Variants in ZNF385D observed in about 807,000 individuals in gnomAD.
ZNF385D encodes the protein zinc finger protein 659.
ZNF385D carries 15 observed loss-of-function variants against 35.8 expected under a neutral mutation model. The observed-to-expected ratio is 0.42, with a 90% CI of 0.28 to 0.64. ZNF385D has a LOEUF of 0.64. Among genes scored for constraint, ZNF385D ranks in the 30% least tolerant of loss-of-function variants. The pLI is 0.23. For synonymous variants in ZNF385D, 212 were observed against 186.8 expected (o/e 1.13, Z -1.10); for missense variants, 474 against 494.6 (o/e 0.96, Z 0.39).
At chr3:22,078,341 T>C (rs570135859) in intron 3 of ZNF385D, among the ~76,000 whole-genome samples, 6 of 152,158 alleles carry the variant, frequency 3.9e-5, no homozygotes, top group South Asian at 2.1e-4. Flanking sequence ...AGTATGCTCA[T>C]CATTTGGTGA....
Position 22,283,748 on chromosome 3 carries a change from T to A in ZNF385D, c.106+88702A>T, listed in dbSNP as rs181341251. The stretch of plus-strand genomic sequence containing the variant: ...TGTGTGATGTGCTCAGTCTGTTCCC[T>A]AGCACAGTGATCACCCAATACATTT... On this transcript the variant is annotated intron_variant, in intron 2 of 5. Coordinates refer to the ZNF385D transcript ENST00000494108. Among the ~76,000 whole-genome samples the A allele has an allele frequency of 2.0e-5, 3 of 152,294 alleles. No individual in the cohort carries two copies. The East Asian group carries it at 5.8e-4, about 29-fold the overall frequency.
chr3:22,135,311 CACAT>C (rs944759688), intron 3 of ZNF385D, among the ~76,000 whole-genome samples: 1 of 136,828 alleles, frequency 7.3e-6, no homozygotes, highest in Non-Finnish European at 1.5e-5. Flanking sequence ...CACACACACA[CACAT>C]ACCCCAACAT....
chr3:22,275,806 G>A (rs914200986), intron 2 of ZNF385D, among the ~76,000 whole-genome samples: 2 of 152,052 alleles, frequency 1.3e-5, no homozygotes, highest in South Asian at 4.1e-4. Context: ...GAGAACTGGT[G>A]GAGCACAGTG....
chr3:22,035,815 A>G (rs535413366), intron 3 of ZNF385D, among the ~76,000 whole-genome samples: 1 of 152,320 alleles, frequency 6.6e-6, no homozygotes, highest in African/African-American at 2.4e-5. Flanking sequence ...AAAAATGAAG[A>G]GGATTCTAGG....
chr3:22,024,545 T>C (rs1697422420), intron 3 of ZNF385D, among the ~76,000 whole-genome samples: 1 of 152,082 alleles, frequency 6.6e-6, no homozygotes, highest in Non-Finnish European at 1.5e-5. Context: ...AGTTATAATA[T>C]TAATAGTATG....
At chr3:21,466,391 T>G (rs1161250607) in intron 4 of ZNF385D, among the ~76,000 whole-genome samples, 2 of 152,218 alleles carry the variant, frequency 1.3e-5, no homozygotes, top group Non-Finnish European at 2.9e-5. Flanking sequence ...TTATGTTACT[T>G]TGCCTTTAGC....
At chr3:22,122,678 G>GTA (rs958647750) in intron 3 of ZNF385D, among the ~76,000 whole-genome samples, 5 of 152,136 alleles carry the variant, frequency 3.3e-5, no homozygotes, top group African/African-American at 1.2e-4. Context: ...AGAACAGAGA[G>GTA]TATATATATG....
chr3:21,549,675 C>A (rs558181092), intron 3 of ZNF385D, among the ~76,000 whole-genome samples: 4 of 152,288 alleles, frequency 2.6e-5, no homozygotes, highest in African/African-American at 7.2e-5. Context: ...TTCTTTCACA[C>A]AAGCCGAATG....
chr3:21,973,615 G>C (rs9849616), intron 3 of ZNF385D, among the ~76,000 whole-genome samples: 4,774 of 151,930 alleles, frequency 0.031, 253 homozygotes, highest in African/African-American at 0.11. Context: ...AATTGGAAAG[G>C]AAAAGGAAAG....
intron 2 of ZNF385D, among the ~76,000 whole-genome samples, chr3:22,183,542 G>C (rs1695425530): frequency 6.6e-6 from 1 of 152,058 alleles, no homozygotes; most frequent in Non-Finnish European, 1.5e-5. Flanking sequence ...ATTTTTAGTA[G>C]AGACGGTGTT....
At chr3:22,132,767 T>A (rs888935246) in intron 3 of ZNF385D, among the ~76,000 whole-genome samples, 1 of 152,130 alleles carries the variant, frequency 6.6e-6, no homozygotes, top group Admixed American at 6.6e-5. Context: ...CATGTCTTTA[T>A]CTAAAAGGCA....
chr3:21,504,076 G>T (rs1355096748), intron 4 of ZNF385D, among the ~76,000 whole-genome samples: 1 of 152,118 alleles, frequency 6.6e-6, no homozygotes, highest in Admixed American at 6.6e-5. Context: ...TTGCAATTCA[G>T]TGAGACGTGA....
chr3:22,248,343 CAACA>C (rs1699896861), intron 2 of ZNF385D, among the ~76,000 whole-genome samples: 2 of 152,112 alleles, frequency 1.3e-5, no homozygotes. Flanking sequence ...TTCCTTTATT[CAACA>C]AACATTTATT....
At chr3:21,661,195 A>T (rs1339293560) in intron 2 of ZNF385D, among the ~76,000 whole-genome samples, 1 of 152,062 alleles carries the variant, frequency 6.6e-6, no homozygotes, top group Admixed American at 6.6e-5. Context: ...TCCTTAAATT[A>T]TTTCCCATTC....
At chr3:21,914,547 T>C (rs1700109683) in intron 3 of ZNF385D, among the ~76,000 whole-genome samples, 1 of 152,038 alleles carries the variant, frequency 6.6e-6, no homozygotes, top group South Asian at 2.1e-4. Context: ...TGAGCAAATT[T>C]AATTGGCATG....
At chr3:22,018,157 T>C (rs1202692513) in intron 3 of ZNF385D, among the ~76,000 whole-genome samples, 2 of 151,790 alleles carry the variant, frequency 1.3e-5, no homozygotes, top group East Asian at 3.9e-4. Context: ...TTAAAAAATA[T>C]TCTCTGTGTT....
chr3:22,173,975 C>T (rs966122634), intron 2 of ZNF385D, among the ~76,000 whole-genome samples: 2 of 151,892 alleles, frequency 1.3e-5, no homozygotes. Flanking sequence ...TCAACTGATT[C>T]CTTCTATTTA....
At chr3:21,896,523 T>A (rs1699145343) in intron 3 of ZNF385D, among the ~76,000 whole-genome samples, 1 of 152,166 alleles carries the variant, frequency 6.6e-6, no homozygotes. Flanking sequence ...AGGTGGGGCC[T>A]GGGCCTTTTT....
intron 3 of ZNF385D, among the ~76,000 whole-genome samples, chr3:21,964,470 A>ATTTTTTTTTTTTTTT (rs377650103): frequency 1.5e-5 from 1 of 68,160 alleles, no homozygotes; most frequent in Non-Finnish European, 2.5e-5. Context: ...AATTTCTCAG[A>ATTTTTTTTTTTTTTT]TTTTTTTTTT....
Sources: gnomAD v4.1 joint callset for allele counts (sites outside exome capture counted in the v4.1 genomes callset) on GRCh38, gnomAD v4.1.1 for gene constraint, MANE v1.5 for transcripts, NCBI Gene and HGNC (gene_info 2026-07-23, HGNC 2026-07-21) for gene names.